The following ZNF536 variants were observed in gnomAD, a reference collection of about 807,000 sequenced individuals.
ZNF536 encodes the protein zinc finger protein 536.
In ZNF536, 13 loss-of-function variants were observed where a neutral mutation model predicts 84.5. The ratio of observed to expected loss-of-function variants is 0.15; its 90% CI spans 0.10 to 0.24. The LOEUF (loss-of-function observed/expected upper bound fraction) is 0.24. ZNF536 is among the 10% of genes least tolerant of loss of function. The probability of loss-of-function intolerance (pLI) is 1.00; values close to 1 mark genes in which losing one functional copy is unlikely to be tolerated. For synonymous variants in ZNF536, 811 were observed against 742.5 expected, an observed-to-expected ratio of 1.09 and a Z score of -1.50; for missense variants, 1,536 against 1,747.5, an observed-to-expected ratio of 0.88 and a Z score of 2.16.
chr19:30,495,853 T>G (rs763683789), intron 2 of ZNF536, among the ~76,000 whole-genome samples: 2 of 152,170 alleles, frequency 1.3e-5, no homozygotes, highest in Non-Finnish European at 2.9e-5. Flanking sequence ...GAGACTCCAG[T>G]AGAGGCCGGG....
intron 1 of ZNF536, among the ~76,000 whole-genome samples, chr19:30,380,207 C>A (rs776361331): frequency 6.6e-6 from 1 of 152,008 alleles, no homozygotes; most frequent in Non-Finnish European, 1.5e-5. Flanking sequence ...TTTTGCCAGC[C>A]GTCAGCCTTT....
chr19:30,443,043 G>GTTTTTTTTTTTTT (rs199802157), intron 1 of ZNF536, among the ~76,000 whole-genome samples: 1 of 135,514 alleles, frequency 7.4e-6, no homozygotes. Flanking sequence ...TTTTTTGTTT[G>GTTTTTTTTTTTTT]TTTTTTTTTT....
chr19:30,690,241 C>T (rs2051353603), intron 1 of ZNF536, among the ~76,000 whole-genome samples: 1 of 152,174 alleles, frequency 6.6e-6, no homozygotes, highest in African/African-American at 2.4e-5. Flanking sequence ...GAGGAGGCCA[C>T]ATTTGGGGTG....
chr19:30,678,369 C>T (rs539009805), intron 1 of ZNF536, among the ~76,000 whole-genome samples: 10 of 152,228 alleles, frequency 6.6e-5, no homozygotes, highest in African/African-American at 1.9e-4. Flanking sequence ...GCCTGGATAT[C>T]GGTGAGAGGC....
intron 2 of ZNF536, among the ~76,000 whole-genome samples, chr19:30,338,327 T>C (rs2047451295): frequency 6.6e-6 from 1 of 151,578 alleles, no homozygotes; most frequent in East Asian, 1.9e-4. Flanking sequence ...ATGATGATGA[T>C]GACAATGTTG....
intron 2 of ZNF536, among the ~76,000 whole-genome samples, chr19:30,504,668 C>G (rs1473806624): frequency 6.9e-6 from 1 of 145,448 alleles, no homozygotes; most frequent in African/African-American, 2.5e-5. Flanking sequence ...TGCCCTGTCT[C>G]CCTTCTTTCC....
chr19:30,310,990 A>G (rs572373995), intron 2 of ZNF536, among the ~76,000 whole-genome samples: 1 of 152,302 alleles, frequency 6.6e-6, no homozygotes, highest in South Asian at 2.1e-4. Flanking sequence ...AGGTTGGTTC[A>G]GGAGATCCAT....
intron 3 of ZNF536, among the ~76,000 whole-genome samples, chr19:30,362,711 C>T (rs1253208689): frequency 1.3e-5 from 2 of 152,130 alleles, no homozygotes; most frequent in African/African-American, 2.4e-5. Flanking sequence ...AAGATTTTTT[C>T]TTTCTCCTCC....
Position 30,444,598 on chromosome 19 carries a change from C to A in ZNF536, c.1036C>A (p.Arg346Ser), listed in dbSNP as rs1306179767. 28 of 1,613,758 alleles carry A rather than the reference C, an allele frequency of 1.7e-5. No individual in the cohort carries two copies. The highest frequency in any genetic ancestry group is 2.4e-5 in the Non-Finnish European group (28 of 1,180,050). Residue 346 changes from arginine (R) to serine (S), a missense_variant, in exon 2 of 5, where the codon CGC becomes AGC. Arg to Ser is a moderately radical substitution (Grantham distance 110). Around this residue, in one of 8 missense-constraint regions of ZNF536, gnomAD observed 61 missense variants for 104.0 expected, o/e 0.59. Coordinates refer to ENST00000355537, the MANE Select transcript of ZNF536 (RefSeq NM_014717.3). ...TGGCGAGCAGTCGGCCAACGAGTTC[C>A]GCTGCGAGGTGTGCGGTCAGGTGTT... ...GGGEQSANEF[R>S]CEVCGQVFSQ...
chr19:30,475,592 A>C (rs1367310279), intron 2 of ZNF536, among the ~76,000 whole-genome samples: 1 of 152,158 alleles, frequency 6.6e-6, no homozygotes, highest in Non-Finnish European at 1.5e-5. Flanking sequence ...TCAGTGCCAC[A>C]GTAGGCATCT....
At chr19:30,477,878 G>A (rs991360597) in intron 2 of ZNF536, among the ~76,000 whole-genome samples, 1 of 152,180 alleles carries the variant, frequency 6.6e-6, no homozygotes, top group African/African-American at 2.4e-5. Context: ...ACCTCGGTGA[G>A]GGAAGAGAGT....
chr19:30,662,044 C>A (rs1012701628), intron 1 of ZNF536, among the ~76,000 whole-genome samples: 1 of 152,142 alleles, frequency 6.6e-6, no homozygotes. Flanking sequence ...TAGCTCAAAG[C>A]TTAAATTATT....
At chr19:30,690,725 A>T (rs1218880102) in intron 1 of ZNF536, among the ~76,000 whole-genome samples, 1 of 152,054 alleles carries the variant, frequency 6.6e-6, no homozygotes, top group Non-Finnish European at 1.5e-5. Flanking sequence ...CTGTCTTTGC[A>T]CCTCAGTTTT....
At chr19:30,313,741 G>A (rs913233366) in intron 2 of ZNF536, among the ~76,000 whole-genome samples, 7 of 152,148 alleles carry the variant, frequency 4.6e-5, no homozygotes, top group African/African-American at 1.4e-4. Context: ...GGCCTCTGGG[G>A]GTCCTCAGTT....
intron 4 of ZNF536, chr19:30,555,788 G>A (rs2045945029): frequency 6.6e-6 from 1 of 152,240 alleles, no homozygotes; most frequent in Non-Finnish European, 1.5e-5. Flanking sequence ...AGAGTCTACA[G>A]TGTGGCCCAG....
chr19:30,670,995 G>A (rs1314748851), intron 1 of ZNF536, among the ~76,000 whole-genome samples: 2 of 152,094 alleles, frequency 1.3e-5, no homozygotes, highest in Non-Finnish European at 2.9e-5. Context: ...GGCTTCCCCT[G>A]AGACTCCTCC....
chr19:30,646,463 T>C (rs2049472950), intron 1 of ZNF536, among the ~76,000 whole-genome samples: 2 of 152,232 alleles, frequency 1.3e-5, no homozygotes, highest in African/African-American at 2.4e-5. Flanking sequence ...TGCTCATGAA[T>C]GTCCCTATGT....
At chr19:30,449,004 AC>A (rs2052477836) in intron 2 of ZNF536, among the ~76,000 whole-genome samples, 1 of 152,194 alleles carries the variant, frequency 6.6e-6, no homozygotes, top group Admixed American at 6.5e-5. Context: ...ATTCCAGTGA[AC>A]CAGAAAATGT....
At chr19:30,636,644 A>G (rs2049078488) in intron 1 of ZNF536, among the ~76,000 whole-genome samples, 1 of 152,044 alleles carries the variant, frequency 6.6e-6, no homozygotes, top group Admixed American at 6.5e-5. Flanking sequence ...GTCCCACAAT[A>G]TTTTTGGACA....
Sources: allele counts gnomAD v4.1 joint callset (sites outside exome capture counted in the v4.1 genomes callset), GRCh38; gene constraint gnomAD v4.1.1; regional missense constraint gnomAD v4.1.1; transcripts MANE v1.5; gene names NCBI Gene and HGNC (gene_info 2026-07-23, HGNC 2026-07-21).